ADAMTS20: variants seen among roughly 807,000 people sequenced by gnomAD.
The protein encoded by ADAMTS20 is A disintegrin and metalloproteinase with thrombospondin motifs 20.
Under a neutral mutation model 260.1 loss-of-function variants are expected in ADAMTS20, and 225 were observed. The observed-to-expected ratio is 0.87, with a 90% CI of 0.78 to 0.97. The LOEUF (loss-of-function observed/expected upper bound fraction) is 0.97. ADAMTS20 is among the 50% of genes least tolerant of loss of function. The pLI is 0.00. For synonymous variants in ADAMTS20, 802 were observed against 769.5 expected (o/e 1.04, Z -0.70); for missense variants, 2,400 against 2,337.7 (o/e 1.03, Z -0.55).
In ADAMTS20 at chr12:43,452,584, A is replaced by G. The variant is rs1366662653; in HGVS notation, c.1872T>C (p.Asp624=). 2.5e-6 allele frequency: 4 copies of G among 1,613,628 alleles called. No individual in the cohort carries two copies. Among genetic ancestry groups the G allele is most frequent in the Admixed American group, 3.3e-5 (2 of 59,922 alleles). ...TGATGTCCAAATGTTTACCATTAAAATCAGAGCACTGCTTCTCTCGAAAGT... is the reference window on the plus strand; with the variant it reads ...TGATGTCCAAATGTTTACCATTAAAGTCAGAGCACTGCTTCTCTCGAAAGT... ...TQDFREKQCS[D]FNGKHLDISG... The change falls in exon 13 of 39, where the codon GAT becomes GAC. Residue 624 remains aspartate, a synonymous_variant. Coordinates refer to ENST00000389420, the MANE Select transcript of ADAMTS20 (RefSeq NM_025003.5).
intron 29 of ADAMTS20, 119 bp downstream of exon 29, chr12:43,398,947 A>T: frequency 1.6e-6 from 1 of 628,560 alleles, no homozygotes; most frequent in African/African-American, 1.9e-5. Context: ...ATAGTGCAAA[A>T]AAGTATATAA....
At position 43,365,668 on chromosome 12, in the gene ADAMTS20, ATTAT is replaced by A. The variant is rs1325831874; in HGVS notation, c.5538+3618_5538+3621del. Among the ~76,000 whole-genome samples, 6 of 152,090 alleles carry A rather than the reference ATTAT, an allele frequency of 3.9e-5. No homozygotes were observed. In the East Asian group the frequency reaches 7.7e-4, roughly 20 times the overall value. On this transcript the variant is annotated intron_variant, in intron 37 of 38. Transcript: ENST00000389420. ...TCTCATATTATCTAAAAGACATAAA[ATTAT>A]TTAAGTTAATATAATACCAATATGT...
At chr12:43,483,783 C>T (rs932991052) in intron 7 of ADAMTS20, among the ~76,000 whole-genome samples, 2 of 152,124 alleles carry the variant, frequency 1.3e-5, no homozygotes, top group Admixed American at 6.6e-5. Context: ...GAGATGTCTG[C>T]CCAACACTGG....
chr12:43,425,431 A>T (rs533638792), intron 28 of ADAMTS20, 83 bp downstream of exon 28: 2 of 1,212,682 alleles, frequency 1.6e-6, no homozygotes, highest in African/African-American at 1.6e-5. Flanking sequence ...TAAAAGTCGA[A>T]GAAAAGAAAA....
chr12:43,536,940 T>C (rs1298188957), intron 2 of ADAMTS20, among the ~76,000 whole-genome samples: 1 of 152,230 alleles, frequency 6.6e-6, no homozygotes, highest in Non-Finnish European at 1.5e-5. Flanking sequence ...GGTAGTATGA[T>C]AAACATAGTT....
chr12:43,409,729 A>G (rs900093715), intron 28 of ADAMTS20, among the ~76,000 whole-genome samples: 6 of 152,060 alleles, frequency 3.9e-5, no homozygotes, highest in Non-Finnish European at 8.8e-5. Context: ...TAATACAACA[A>G]ATTTTCCCAA....
chr12:43,361,400 A>G (rs563472519), intron 37 of ADAMTS20, among the ~76,000 whole-genome samples: 1 of 152,378 alleles, frequency 6.6e-6, no homozygotes, highest in East Asian at 1.9e-4. Context: ...AGATGGGCAC[A>G]GCTCCTTTTG....
intron 15 of ADAMTS20, among the ~76,000 whole-genome samples, chr12:43,444,527 A>G (rs1465690618): frequency 6.6e-6 from 1 of 152,192 alleles, no homozygotes; most frequent in Non-Finnish European, 1.5e-5. Context: ...AATGAATGTA[A>G]TATTTCCATT....
At chr12:43,445,074 T>C (rs558151620) in intron 15 of ADAMTS20, among the ~76,000 whole-genome samples, 1 of 152,298 alleles carries the variant, frequency 6.6e-6, no homozygotes, top group Admixed American at 6.5e-5. Flanking sequence ...TACTATTTAT[T>C]ATATTTTTTT....
At chr12:43,375,172 CA>C (rs58169338) in intron 36 of ADAMTS20, among the ~76,000 whole-genome samples, 17,115 of 62,006 alleles carry the variant, frequency 0.28, 403 homozygotes, top group South Asian at 0.38. Context: ...AACTGCGTCT[CA>C]AAAAAAAAAA....
At chr12:43,408,748 G>C (rs909521728) in intron 28 of ADAMTS20, among the ~76,000 whole-genome samples, 1 of 152,184 alleles carries the variant, frequency 6.6e-6, no homozygotes, top group African/African-American at 2.4e-5. Context: ...TAATTTCTAA[G>C]ATTTTGCCTT....
At chr12:43,510,841 A>G (rs1270894537) in intron 3 of ADAMTS20, among the ~76,000 whole-genome samples, 1 of 152,126 alleles carries the variant, frequency 6.6e-6, no homozygotes, top group Non-Finnish European at 1.5e-5. Flanking sequence ...ATAAACTACT[A>G]GAAAATTACT....
chr12:43,428,777 C>T lies in ADAMTS20; in HGVS notation c.3512G>A (p.Gly1171Asp). ...WTPCSVSCGRGTQARYVSCRD... is the reference protein window; with the variant it reads ...WTPCSVSCGRDTQARYVSCRD... ...ACAGCTTACATAGCGGGCTTGAGTACCTCTTCCACAAGATACGGAGCACTT... is the reference window on the plus strand; with the variant it reads ...ACAGCTTACATAGCGGGCTTGAGTATCTCTTCCACAAGATACGGAGCACTT... Residue 1171 changes from glycine (G) to aspartate (D), a missense_variant, in exon 25 of 39, where the codon GGT becomes GAT. Coordinates refer to ENST00000389420, the MANE Select transcript of ADAMTS20 (RefSeq NM_025003.5). The T allele has an allele frequency of 6.2e-7, 1 of 1,606,726 alleles. No individual in the cohort carries two copies. The highest frequency in any genetic ancestry group is 8.5e-7 in the Non-Finnish European group (1 of 1,175,448).
At position 43,524,736 on chromosome 12, in the gene ADAMTS20, A is replaced by G. The variant is rs143674722; in HGVS notation, c.613+7300T>C. ...AAATGCAGTGGAAACTTTCAACAGC[A>G]GACTAGAACAATTACAATGAAGCAT... On this transcript the variant is annotated intron_variant, in intron 3 of 38. Coordinates refer to ENST00000389420, the MANE Select transcript of ADAMTS20 (RefSeq NM_025003.5). Among the ~76,000 whole-genome samples, 855 of 152,352 alleles carry G rather than the reference A, an allele frequency of 5.6e-3. 7 individuals carry two copies. Among genetic ancestry groups the G allele is most frequent in the South Asian group, 9.3e-3 (45 of 4,832 alleles).
At chr12:43,442,264 T>C (rs1318791234) in intron 16 of ADAMTS20, among the ~76,000 whole-genome samples, 1 of 151,906 alleles carries the variant, frequency 6.6e-6, no homozygotes, top group Non-Finnish European at 1.5e-5. Flanking sequence ...CATTTCTTTT[T>C]TTTTTTTTTT....
intron 37 of ADAMTS20, among the ~76,000 whole-genome samples, chr12:43,366,191 C>G (rs1455999213): frequency 6.6e-6 from 1 of 151,512 alleles, no homozygotes; most frequent in Non-Finnish European, 1.5e-5. Context: ...AGTGGCCACA[C>G]TAGTATCAGA....
chr12:43,448,055 C>A (rs948325748), intron 14 of ADAMTS20, among the ~76,000 whole-genome samples: 2 of 152,120 alleles, frequency 1.3e-5, no homozygotes, highest in Admixed American at 1.3e-4. Flanking sequence ...ATTAAAATGG[C>A]CATATTTCCC....
chr12:43,409,621 A>AAAAAC (rs1940992698), intron 28 of ADAMTS20, among the ~76,000 whole-genome samples: 2 of 147,740 alleles, frequency 1.4e-5, no homozygotes, highest in Non-Finnish European at 3.0e-5. Flanking sequence ...AAAAAAAAAA[A>AAAAAC]AAAAAAAAAC....
At chr12:43,402,602 G>T (rs1312125522) in intron 28 of ADAMTS20, among the ~76,000 whole-genome samples, 1 of 152,008 alleles carries the variant, frequency 6.6e-6, no homozygotes, top group Non-Finnish European at 1.5e-5. Context: ...CTAGTGAAAT[G>T]ATACCTTCCT....
Sources: allele counts gnomAD v4.1 joint callset (sites outside exome capture counted in the v4.1 genomes callset), GRCh38; gene constraint gnomAD v4.1.1; transcripts MANE v1.5; gene names NCBI Gene and HGNC (gene_info 2026-07-23, HGNC 2026-07-21).